Variants in GPATCH3 observed in about 807,000 individuals in gnomAD.
The protein encoded by GPATCH3 is G patch domain-containing protein 3.
In GPATCH3, 45 loss-of-function variants were observed where a neutral mutation model predicts 53.2. That is an observed-to-expected ratio of 0.85 (90% CI 0.67 to 1.08). GPATCH3 has a LOEUF of 1.08. GPATCH3 is among the 50% of genes least tolerant of loss of function. The probability of loss-of-function intolerance (pLI) is 0.00; values close to 1 mark genes in which losing one functional copy is unlikely to be tolerated. For synonymous variants in GPATCH3, 280 were observed against 270.6 expected (o/e 1.03, Z -0.34); for missense variants, 680 against 687.2 (o/e 0.99, Z 0.12).
rs188612192 is a variant in GPATCH3, at chr1:26,891,296, G to A, written c.1362-70C>T. The A allele has an allele frequency of 8.9e-5, 108 of 1,208,110 alleles. 1 individual carries two copies. In the African/African-American group the frequency reaches 1.4e-3, roughly 16 times the overall value. 74.8% of individuals were successfully genotyped at this position (1,208,110 alleles called of 1,614,324 possible). A position where few individuals can be genotyped will look rare whatever the true frequency, so the allele number is the denominator to read the frequency against. On this transcript the variant is annotated intron_variant, in intron 6 of 6. Coordinates refer to ENST00000361720, the MANE Select transcript of GPATCH3 (RefSeq NM_022078.3). ...CAGTTAAAGGGGTTGGGAGAGGACG[G>A]GGAAGTAGTTACTACATATCTGGTT...
At position 26,900,453 on chromosome 1, in the gene GPATCH3, C is replaced by T. The variant is rs1459118567; in HGVS notation, c.-11G>A. 2.5e-6 allele frequency: 4 copies of T among 1,604,324 alleles called. No homozygotes were observed. In the African/African-American group the frequency reaches 5.3e-5, roughly 21 times the overall value. On this transcript the variant is annotated 5_prime_UTR_variant, in exon 1 of 7. The change abolishes the stop of an existing upstream ORF in the 5' untranslated region. Coordinates refer to ENST00000361720, the MANE Select transcript of GPATCH3 (RefSeq NM_022078.3). The stretch of plus-strand genomic sequence containing the variant: ...GCCGGGCACCGCCATCTTGGATTGT[C>T]ACATGATCAGCTAGAACCAAGTCTC...
chr1:26,895,522 T>TA (rs763002456), intron 2 of GPATCH3, among the ~76,000 whole-genome samples: 1,327 of 84,298 alleles, frequency 0.016, 9 homozygotes, highest in African/African-American at 0.031. Flanking sequence ...AGAGCCTGCT[T>TA]AAAAAAAAAA....
chr1:26,895,035 C>T (rs969566398), intron 2 of GPATCH3, among the ~76,000 whole-genome samples: 3 of 152,040 alleles, frequency 2.0e-5, no homozygotes, highest in Admixed American at 6.6e-5. Context: ...CAATGCAAAC[C>T]CGGGTGGCCA....
chr1:26,894,299 C>T lies in GPATCH3; in HGVS notation c.988G>A (p.Glu330Lys), dbSNP rs763272894. ...AACACCAGGCCAGAGCCACCCTTCT[C>T]CCACTTGAGCTCAATCTCCTCCTCA... Reference protein sequence around the residue: ...LFEEEIELKWEKGGSGLVFYT... With the variant: ...LFEEEIELKWKKGGSGLVFYT... Residue 330 changes from glutamate (E) to lysine (K), a missense_variant, in exon 3 of 7, where the codon GAG (glutamate) becomes AAG (lysine). Glu to Lys is a moderately conservative substitution (Grantham distance 56). Transcript: ENST00000361720. 5 of 1,614,048 alleles carry T rather than the reference C, an allele frequency of 3.1e-6. No individual in the cohort carries two copies. The highest frequency in any genetic ancestry group is 1.7e-5 in the Admixed American group (1 of 59,996).
At position 26,892,359 on chromosome 1, in the gene GPATCH3, G is replaced by A. The variant is rs866850936; in HGVS notation, c.1361+52C>T. On this transcript the variant is annotated intron_variant, in intron 6 of 6. Coordinates refer to ENST00000361720, the MANE Select transcript of GPATCH3 (RefSeq NM_022078.3). The stretch of plus-strand genomic sequence containing the variant: ...AAAACCAGTGGGAAGAGGGAAACCA[G>A]GGCATAGCTGAAAGGCTTGGGCCCC... The A allele has an allele frequency of 3.5e-5, 56 of 1,587,768 alleles. No homozygotes were observed. The Middle Eastern group carries it at 2.7e-3, about 77-fold the overall frequency.
chr1:26,892,548 G>A lies in GPATCH3; in HGVS notation c.1234-10C>T. 6.2e-7 allele frequency: 1 copy of A among 1,609,636 alleles called. No individual in the cohort carries two copies. Among genetic ancestry groups the A allele is most frequent in the Non-Finnish European group, 8.5e-7 (1 of 1,176,194 alleles). ...CCTTCCGCCCAATGCCCTGCAGAGT[G>A]AAGGGACAAGACTCAAGAAATGGGG... On this transcript the variant is annotated splice_polypyrimidine_tract_variant and intron_variant, in intron 5 of 6. Coordinates refer to ENST00000361720, the MANE Select transcript of GPATCH3 (RefSeq NM_022078.3).
intron 2 of GPATCH3, among the ~76,000 whole-genome samples, chr1:26,894,904 C>T (rs998108060): frequency 2.6e-5 from 4 of 152,110 alleles, no homozygotes; most frequent in African/African-American, 9.7e-5. Context: ...CTCCTTTAAC[C>T]ACTGCAACAA....
At chr1:26,891,543 C>A (rs1381244319) in intron 6 of GPATCH3, among the ~76,000 whole-genome samples, 1 of 150,276 alleles carries the variant, frequency 6.7e-6, no homozygotes, top group East Asian at 1.9e-4. Context: ...GTCAGATTTA[C>A]TTTATTTATT....
chr1:26,892,736 G>A lies in GPATCH3; in HGVS notation c.1167C>T (p.Leu389=). The A allele has an allele frequency of 1.1e-5, 18 of 1,614,200 alleles. No individual in the cohort carries two copies. The highest frequency in any genetic ancestry group is 1.5e-5 in the Non-Finnish European group (18 of 1,180,036). The change falls in exon 5 of 7, where the codon CTC becomes CTT. Residue 389 remains leucine, a synonymous_variant. Transcript: ENST00000361720. ...CAGAGCCATCTTCCTGTCCATCTCG[G>A]AGTCTCTGTTCCAGACGCATTTGGA... ...DSVQMRLEQR[L]RDGQEDGSVI... is the part of the protein sequence containing the mutation.
intron 1 of GPATCH3, among the ~76,000 whole-genome samples, chr1:26,898,334 G>C (rs1263126710): frequency 6.6e-6 from 1 of 150,558 alleles, no homozygotes; most frequent in African/African-American, 2.4e-5. Context: ...TCTTTTTTTT[G>C]AGACAGATTC....
intron 1 of GPATCH3, among the ~76,000 whole-genome samples, chr1:26,898,946 C>T (rs879689507): frequency 1.6e-4 from 24 of 152,092 alleles, no homozygotes; most frequent in Non-Finnish European, 3.1e-4. Context: ...ATTACAGGCA[C>T]GAGCCATTGC....
intron 1 of GPATCH3, among the ~76,000 whole-genome samples, chr1:26,898,633 A>C (rs146399751): frequency 6.6e-6 from 1 of 150,726 alleles, no homozygotes; most frequent in African/African-American, 2.4e-5. Context: ...TGTTCCAGCC[A>C]CACCAAACAA....
intron 2 of GPATCH3, 123 bp from the exon 3 acceptor site, chr1:26,894,533 A>C (rs1238277130): frequency 5.3e-5 from 49 of 930,840 alleles, no homozygotes; most frequent in Non-Finnish European, 6.0e-5. Flanking sequence ...TTTCTCCAAG[A>C]AGCAGCACAT....
Position 26,890,699 on chromosome 1 carries a change from G to A in GPATCH3, c.*311C>T, listed in dbSNP as rs2081920014. 1.9e-6 allele frequency: 1 copy of A among 529,798 alleles called. No homozygotes were observed. Among genetic ancestry groups the A allele is most frequent in the African/African-American group, 1.9e-5 (1 of 52,124 alleles). 32.8% of individuals were successfully genotyped at this position (529,798 alleles called of 1,614,324 possible). On this transcript the variant is annotated 3_prime_UTR_variant, in exon 7 of 7. Coordinates refer to ENST00000361720, the MANE Select transcript of GPATCH3 (RefSeq NM_022078.3). Reference sequence around the variant, plus strand: ...GACACCTTCAGAGTCCCCAAGGAAGGCTGTGCTGATAGCCTCACTCAACCC... The same window carrying A: ...GACACCTTCAGAGTCCCCAAGGAAGACTGTGCTGATAGCCTCACTCAACCC...
In GPATCH3 at chr1:26,891,255, GGCT is replaced by G. The variant is rs528287894; in HGVS notation, c.1362-32_1362-30del. On this transcript the variant is annotated intron_variant, in intron 6 of 6. Transcript: ENST00000361720. ...GATAAAAACGGGCTCTCAGTGAGAA[GGCT>G]GCTCTCAAACTCCAGTTAAAGGGGT... 5.1e-5 allele frequency: 80 copies of G among 1,570,436 alleles called. No individual in the cohort carries two copies. The African/African-American group carries it at 9.2e-4, about 18-fold the overall frequency.
Position 26,894,406 on chromosome 1 carries a change from T to A in GPATCH3, c.881A>T (p.Asp294Val). 3 of 1,613,808 alleles carry A rather than the reference T, an allele frequency of 1.9e-6. No homozygotes were observed. Among genetic ancestry groups the A allele is most frequent in the Non-Finnish European group, 2.5e-6 (3 of 1,179,844 alleles). The change falls in exon 3 of 7, where the codon GAT (aspartate) becomes GTT (valine). Residue 294 changes from aspartate (D) to valine (V), a missense_variant. Coordinates refer to ENST00000361720, the MANE Select transcript of GPATCH3 (RefSeq NM_022078.3). ...CCGTTCCCATTCCTCACCCCGGTCA[T>A]CGTCCTAAAAGGCAGGGAGAGGTGA... Reference protein sequence around the residue: ...EEEESHSDEDDDRGEEWERHE... With the variant: ...EEEESHSDEDVDRGEEWERHE...
intron 3 of GPATCH3, 150 bp downstream of exon 3, chr1:26,894,086 G>C: frequency 1.4e-6 from 1 of 711,820 alleles, no homozygotes; most frequent in Non-Finnish European, 2.3e-6. Context: ...CTCTTAAAAA[G>C]GATGATTGGT....
Position 26,891,608 on chromosome 1 carries a change from G to A in GPATCH3, c.1362-382C>T, listed in dbSNP as rs56848665. Among the ~76,000 whole-genome samples, 526 of 152,040 alleles carry A rather than the reference G, an allele frequency of 3.5e-3. 2 individuals are homozygous for A. Among genetic ancestry groups the A allele is most frequent in the African/African-American group, 0.012 (491 of 41,450 alleles). On this transcript the variant is annotated intron_variant, in intron 6 of 6. Transcript: ENST00000361720. ...GTCACCCAGGCTGGATTGTAATGGC[G>A]TGATCTCGGCTCACTGCAACCTCCA...
At chr1:26,894,015 T>C (rs1002672376) in intron 3 of GPATCH3, among the ~76,000 whole-genome samples, 1 of 151,736 alleles carries the variant, frequency 6.6e-6, no homozygotes, top group Non-Finnish European at 1.5e-5. Flanking sequence ...TCTGGGAGGG[T>C]TATTCAGAAT....
Sources: allele counts gnomAD v4.1 joint callset (sites outside exome capture counted in the v4.1 genomes callset), GRCh38; gene constraint gnomAD v4.1.1; transcripts MANE v1.5; gene names NCBI Gene and HGNC (gene_info 2026-07-23, HGNC 2026-07-21).